The following MAML3 variants were observed in gnomAD, a reference collection of about 807,000 sequenced individuals.
MAML3 encodes mastermind like transcriptional coactivator 3, also known as mastermind-like protein 3.
A neutral mutation model predicts 101.9 loss-of-function variants in MAML3; 27 were observed. The observed-to-expected ratio is 0.27, with a 90% CI of 0.20 to 0.37. MAML3 has a LOEUF of 0.37. Among genes scored for constraint, MAML3 ranks in the 10% least tolerant of loss-of-function variants. The pLI is 1.00. For missense variants in MAML3, 1,316 were observed against 1,444.9 expected (o/e 0.91, Z 1.45); for synonymous variants, 501 against 555.9 (o/e 0.90, Z 1.39).
chr4:140,060,382 A>AAAAAAAAAAAAAAAAAAAAAAAC (rs1560880625), intron 1 of MAML3, among the ~76,000 whole-genome samples: 1 of 148,552 alleles, frequency 6.7e-6, no homozygotes, highest in Non-Finnish European at 1.5e-5. Flanking sequence ...AAAAAAAAAA[A>AAAAAAAAAAAAAAAAAAAAAAAC]AAAGTCACAA....
At chr4:140,040,634 G>C (rs114477234) in intron 1 of MAML3, among the ~76,000 whole-genome samples, 3 of 152,286 alleles carry the variant, frequency 2.0e-5, no homozygotes, top group Non-Finnish European at 4.4e-5. Context: ...GTACGGTGAT[G>C]AACAAAAGGA....
chr4:140,090,629 A>G (rs1728029018), intron 1 of MAML3, among the ~76,000 whole-genome samples: 2 of 152,254 alleles, frequency 1.3e-5, no homozygotes, highest in African/African-American at 4.8e-5. Context: ...AAACCTAGAC[A>G]GTCTAACTCT....
At chr4:139,835,590 G>A (rs1731243327) in intron 2 of MAML3, among the ~76,000 whole-genome samples, 1 of 152,250 alleles carries the variant, frequency 6.6e-6, no homozygotes, top group South Asian at 2.1e-4. Flanking sequence ...AGGCTGAAAG[G>A]AGACTAGAGA....
intron 1 of MAML3, among the ~76,000 whole-genome samples, chr4:140,036,133 C>T (rs921257814): frequency 1.3e-5 from 2 of 152,214 alleles, no homozygotes; most frequent in African/African-American, 2.4e-5. Context: ...ACTGAGCTTA[C>T]ACACAGTGTC....
chr4:140,134,322 C>T (rs780825047), intron 1 of MAML3: 6 of 456,596 alleles, frequency 1.3e-5, no homozygotes, highest in Non-Finnish European at 4.4e-6. Flanking sequence ...ACTTGTACAA[C>T]CAAGTCAAGC....
intron 2 of MAML3, among the ~76,000 whole-genome samples, chr4:139,868,244 C>T (rs1403535617): frequency 6.6e-6 from 1 of 152,114 alleles, no homozygotes; most frequent in East Asian, 1.9e-4. Context: ...AGAAACACTC[C>T]CTGTTCAATC....
intron 2 of MAML3, among the ~76,000 whole-genome samples, chr4:139,792,372 A>C (rs1185623445): frequency 1.3e-5 from 2 of 152,212 alleles, no homozygotes; most frequent in African/African-American, 4.8e-5. Context: ...CTGATGTCTT[A>C]ATATCAACTT....
At chr4:140,074,177 A>AAGAGAAAGAAAGAAAGAAAG (rs1727716685) in intron 1 of MAML3, among the ~76,000 whole-genome samples, 1 of 53,504 alleles carries the variant, frequency 1.9e-5, no homozygotes, top group Non-Finnish European at 4.8e-5. Flanking sequence ...GAAAGAAAGA[A>AAGAGAAAGAAAGAAAGAAAG]AGAGAGAGAG....
chr4:139,907,727 A>G (rs554509157), intron 1 of MAML3, among the ~76,000 whole-genome samples: 2 of 152,244 alleles, frequency 1.3e-5, no homozygotes, highest in East Asian at 3.9e-4. Context: ...CCTCCTGTCT[A>G]TTGGAAAATG....
intron 1 of MAML3, among the ~76,000 whole-genome samples, chr4:140,147,451 TTCTTCCCAC>T (rs1415572671): frequency 6.6e-6 from 1 of 152,208 alleles, no homozygotes; most frequent in Non-Finnish European, 1.5e-5. Context: ...TTCTTATTGC[TTCTTCCCAC>T]TCTTTGATAA....
At chr4:139,883,468 T>C (rs1732258578) in intron 2 of MAML3, among the ~76,000 whole-genome samples, 1 of 152,158 alleles carries the variant, frequency 6.6e-6, no homozygotes, top group African/African-American at 2.4e-5. Flanking sequence ...AAATTAGTCT[T>C]TTAAACATGG....
intron 1 of MAML3, among the ~76,000 whole-genome samples, chr4:139,986,985 A>G (rs1424134700): frequency 6.6e-6 from 1 of 152,192 alleles, no homozygotes; most frequent in Non-Finnish European, 1.5e-5. Flanking sequence ...TAATGATACC[A>G]ATCAAATGCA....
chr4:139,869,747 A>G (rs1019294671), intron 2 of MAML3, among the ~76,000 whole-genome samples: 16 of 152,230 alleles, frequency 1.1e-4, no homozygotes, highest in African/African-American at 3.9e-4. Flanking sequence ...AGAAATATAG[A>G]AAAGAATTGC....
intron 1 of MAML3, among the ~76,000 whole-genome samples, chr4:140,120,212 G>A (rs1022528318): frequency 6.9e-6 from 1 of 144,758 alleles, no homozygotes; most frequent in Non-Finnish European, 1.5e-5. Flanking sequence ...ACTCCAGCCT[G>A]GGCGACAGAG....
intron 1 of MAML3, among the ~76,000 whole-genome samples, chr4:139,954,450 C>T (rs1733882927): frequency 6.6e-6 from 1 of 152,184 alleles, no homozygotes; most frequent in African/African-American, 2.4e-5. Context: ...TGCTGTGTTG[C>T]TAGGTGTTTA....
At chr4:139,734,325 G>A (rs1022641725) in intron 2 of MAML3, among the ~76,000 whole-genome samples, 2 of 152,152 alleles carry the variant, frequency 1.3e-5, no homozygotes, top group Non-Finnish European at 2.9e-5. Flanking sequence ...TTCGTCATGC[G>A]AGATGTAATG....
At chr4:140,008,181 C>A (rs1467701497) in intron 1 of MAML3, among the ~76,000 whole-genome samples, 1 of 152,050 alleles carries the variant, frequency 6.6e-6, no homozygotes, top group African/African-American at 2.4e-5. Flanking sequence ...CCCGTCTCTA[C>A]GAAAAATACA....
intron 1 of MAML3, among the ~76,000 whole-genome samples, chr4:139,941,418 T>C (rs1047774008): frequency 1.3e-5 from 2 of 152,200 alleles, no homozygotes; most frequent in Non-Finnish European, 2.9e-5. Flanking sequence ...TTTAGTTACA[T>C]AGCTTTCAAG....
intron 1 of MAML3, among the ~76,000 whole-genome samples, chr4:140,077,682 T>C (rs1260584715): frequency 6.6e-6 from 1 of 152,150 alleles, no homozygotes; most frequent in East Asian, 1.9e-4. Flanking sequence ...TAGTATTATT[T>C]ACCAAGGTAG....
Sources: gnomAD v4.1 joint callset for allele counts (sites outside exome capture counted in the v4.1 genomes callset) on GRCh38, gnomAD v4.1.1 for gene constraint, MANE v1.5 for transcripts, NCBI Gene and HGNC (gene_info 2026-07-23, HGNC 2026-07-21) for gene names.